The following GPR173 variants were observed in gnomAD, a reference collection of about 807,000 sequenced individuals.
GPR173 encodes probable G protein-coupled receptor 173.
A neutral mutation model predicts 13.9 loss-of-function variants in GPR173; 2 were observed. The observed-to-expected ratio is 0.14, with a 90% CI of 0.06 to 0.45. The LOEUF is 0.45. GPR173 is among the 20% of genes least tolerant of loss of function. The pLI is 0.98. For missense variants in GPR173, 202 were observed against 340.5 expected (o/e 0.59, Z 3.20); for synonymous variants, 131 against 141.0 (o/e 0.93, Z 0.50).
At chrX:53,050,715 G>A (rs1221538393) in intron 1 of GPR173, among the ~76,000 whole-genome samples, 1 of 112,320 alleles carries the variant, frequency 8.9e-6, no homozygotes, top group African/African-American at 3.2e-5. Flanking sequence ...ATTACTTGGA[G>A]GAGGGACAGG....
In GPR173 at chrX:53,080,593, C is replaced by T. The variant is rs782712140; in HGVS notation, c.*2850C>T. ...TGGTATTGCTGTGTGTTTTAATTTA[C>T]ATAAACAGTATTGTACTATAAATCT... On this transcript the variant is annotated 3_prime_UTR_variant, in exon 2 of 2. Coordinates refer to ENST00000332582, the MANE Select transcript of GPR173 (RefSeq NM_018969.6). 1 of 123,258 alleles carries T rather than the reference C, an allele frequency of 8.1e-6. No homozygotes were observed. Among genetic ancestry groups the T allele is most frequent in the African/African-American group, 3.2e-5 (1 of 30,851 alleles). 10.2% of individuals were successfully genotyped at this position (123,258 alleles called of 1,213,427 possible). A position where few individuals can be genotyped will look rare whatever the true frequency, so the allele number is the denominator to read the frequency against.
At chrX:53,059,359 C>G (rs1053536263) in intron 1 of GPR173, among the ~76,000 whole-genome samples, 1 of 108,551 alleles carries the variant, frequency 9.2e-6, no homozygotes, top group Non-Finnish European at 1.9e-5. Flanking sequence ...GTGGCCCGGT[C>G]TCAGCTCACT....
chrX:53,062,569 C>CT (rs1359629881), intron 1 of GPR173, among the ~76,000 whole-genome samples: 5 of 74,669 alleles, frequency 6.7e-5, no homozygotes, highest in Non-Finnish European at 9.8e-5. Flanking sequence ...ACATTGTCTT[C>CT]TTCTTTTTTT....
intron 1 of GPR173, among the ~76,000 whole-genome samples, chrX:53,072,649 C>CCT (rs1269782479): frequency 1.8e-5 from 2 of 110,807 alleles, no homozygotes; most frequent in Non-Finnish European, 3.8e-5. Flanking sequence ...GTCTCTCTGG[C>CCT]CTCTCTCTTA....
At chrX:53,072,993 C>T (rs886913676) in intron 1 of GPR173, among the ~76,000 whole-genome samples, 8 of 111,102 alleles carry the variant, frequency 7.2e-5, no homozygotes, top group Admixed American at 2.9e-4. Flanking sequence ...GAGGCCAAGG[C>T]GGGCGAATCA....
At chrX:53,061,695 G>A (rs1932127449) in intron 1 of GPR173, among the ~76,000 whole-genome samples, 1 of 111,813 alleles carries the variant, frequency 8.9e-6, no homozygotes, top group Admixed American at 9.6e-5. Flanking sequence ...TATTGAATTT[G>A]TGTACAACTT....
chrX:53,050,058 TTTCC>T (rs1299044404), intron 1 of GPR173, among the ~76,000 whole-genome samples: 4 of 109,336 alleles, frequency 3.7e-5, no homozygotes, highest in Non-Finnish European at 5.7e-5. Flanking sequence ...TCTTTCCTCC[TTTCC>T]TTCCTTCCTT....
At chrX:53,062,913 G>A (rs1200086086) in intron 1 of GPR173, among the ~76,000 whole-genome samples, 1 of 111,889 alleles carries the variant, frequency 8.9e-6, no homozygotes, top group African/African-American at 3.2e-5. Context: ...GGGCCCCCAA[G>A]GTCTTGAGCA....
rs781976852 is a variant in GPR173, at chrX:53,051,161, C to T, written c.-98+1677C>T. Among the ~76,000 whole-genome samples, 5 of 111,085 alleles carry T rather than the reference C, an allele frequency of 4.5e-5. No homozygotes were observed. In the East Asian group the frequency reaches 1.4e-3, roughly 32 times the overall value. On this transcript the variant is annotated intron_variant, in intron 1 of 1. Transcript: ENST00000332582. ...AGCCAGACCTGTGAGGGACGCGTCC[C>T]AGGGAGCTGCTCACCTAGAGCCTGG...
At chrX:53,054,239 G>A (rs1182443719) in intron 1 of GPR173, among the ~76,000 whole-genome samples, 1 of 110,851 alleles carries the variant, frequency 9.0e-6, no homozygotes, top group Non-Finnish European at 1.9e-5. Flanking sequence ...GGCCGGGTGC[G>A]GTGGCTCATG....
intron 1 of GPR173, among the ~76,000 whole-genome samples, chrX:53,055,264 G>C (rs1329334431): frequency 2.7e-5 from 3 of 110,337 alleles, no homozygotes; most frequent in Non-Finnish European, 5.7e-5. Context: ...AACTGGGTTG[G>C]AGGAGAGTGT....
At chrX:53,052,626 T>A (rs782636816) in intron 1 of GPR173, among the ~76,000 whole-genome samples, 2 of 108,684 alleles carry the variant, frequency 1.8e-5, no homozygotes, top group South Asian at 8.1e-4. Flanking sequence ...TGTGTGTGTG[T>A]GTGTGTGAAT....
chrX:53,077,491 G>A lies in GPR173; in HGVS notation c.870G>A (p.Ala290=), dbSNP rs375531220. ...GEKQLGRMFY[A]ITLLFLLLWS... ...AGCAGCTGGGCCGCATGTTCTACGCGATCACACTGCTCTTTCTGCTCCTCT... is the reference window on the plus strand; with the variant it reads ...AGCAGCTGGGCCGCATGTTCTACGCAATCACACTGCTCTTTCTGCTCCTCT... Residue 290 remains alanine (A), a synonymous_variant, in exon 2 of 2, where the codon GCG becomes GCA. Transcript: ENST00000332582. 25 of 1,210,372 alleles carry A rather than the reference G, an allele frequency of 2.1e-5. No individual in the cohort carries two copies. In the East Asian group the frequency reaches 4.7e-4, roughly 23 times the overall value.
At chrX:53,049,973 T>C (rs1005373704) in intron 1 of GPR173, among the ~76,000 whole-genome samples, 85 of 99,352 alleles carry the variant, frequency 8.6e-4, no homozygotes, top group African/African-American at 2.5e-3. Flanking sequence ...TGTGTGTGTG[T>C]GTGCACCTGG....
At position 53,077,933 on chromosome X, in the gene GPR173, A is replaced by G; in HGVS notation, c.*190A>G. 2.3e-6 allele frequency: 1 copy of G among 435,367 alleles called. No homozygotes were observed. The highest frequency in any genetic ancestry group is 3.8e-5 in the East Asian group (1 of 26,500). 35.9% of individuals were successfully genotyped at this position (435,367 alleles called of 1,213,427 possible). A position where few individuals can be genotyped will look rare whatever the true frequency, so the allele number is the denominator to read the frequency against. Reference sequence around the variant, plus strand: ...ATGGAGGACTGGGCGAGGGACTGGGAAAGAGGCATATTTAGTTTTGTGGGG... The same window carrying G: ...ATGGAGGACTGGGCGAGGGACTGGGGAAGAGGCATATTTAGTTTTGTGGGG... On this transcript the variant is annotated 3_prime_UTR_variant, in exon 2 of 2. Coordinates refer to ENST00000332582, the MANE Select transcript of GPR173 (RefSeq NM_018969.6).
At chrX:53,068,952 C>CTTT (rs144589965) in intron 1 of GPR173, among the ~76,000 whole-genome samples, 2 of 64,911 alleles carry the variant, frequency 3.1e-5, no homozygotes, top group Non-Finnish European at 5.2e-5. Context: ...GACCTTGTCT[C>CTTT]TTTTTTTTTT....
chrX:53,068,847 G>A (rs1311684992), intron 1 of GPR173, among the ~76,000 whole-genome samples: 4 of 107,875 alleles, frequency 3.7e-5, no homozygotes, highest in African/African-American at 6.8e-5. Flanking sequence ...CAGCATCTTC[G>A]GGGCCTGAGG....
chrX:53,077,959 C>T lies in GPR173; in HGVS notation c.*216C>T. 2.4e-6 allele frequency: 1 copy of T among 412,365 alleles called. No individual in the cohort carries two copies. 34.0% of individuals were successfully genotyped at this position (412,365 alleles called of 1,213,427 possible). ...AAGAGGCATATTTAGTTTTGTGGGG[C>T]CTGTCTCCGCTGCCTCCTTCTCCAC... On this transcript the variant is annotated 3_prime_UTR_variant, in exon 2 of 2. Transcript: ENST00000332582.
At chrX:53,057,441 G>T (rs1325672506) in intron 1 of GPR173, among the ~76,000 whole-genome samples, 1 of 95,089 alleles carries the variant, frequency 1.1e-5, no homozygotes, top group Non-Finnish European at 2.1e-5. Context: ...AAGAAAGAAA[G>T]AAAAAGAAAA....
Sources: allele counts gnomAD v4.1 joint callset (sites outside exome capture counted in the v4.1 genomes callset), GRCh38; gene constraint gnomAD v4.1.1; transcripts MANE v1.5; gene names NCBI Gene and HGNC (gene_info 2026-07-23, HGNC 2026-07-21).